Variants in OR9Q1 observed in about 807,000 individuals in gnomAD.
OR9Q1 encodes olfactory receptor family 9 subfamily Q member 1.
For missense variants in OR9Q1, 374 were observed against 378.8 expected (o/e 0.99, Z 0.11); for synonymous variants, 153 against 148.6 (o/e 1.03, Z -0.22).
chr11:58,180,666 G>T lies in OR9Q1; in HGVS notation c.*289G>T. 3.9e-6 allele frequency: 1 copy of T among 256,714 alleles called. No individual in the cohort carries two copies. The highest frequency in any genetic ancestry group is 7.9e-6 in the Non-Finnish European group (1 of 126,482). 15.9% of individuals were successfully genotyped at this position (256,714 alleles called of 1,614,324 possible). The stretch of plus-strand genomic sequence containing the variant: ...ACTTCACCTGTCTGTGATTATAAGA[G>T]TAATTTTTTTTGCAAAATTTTTAAT... On this transcript the variant is annotated 3_prime_UTR_variant, in exon 3 of 3. Transcript: ENST00000335397.
chr11:58,035,234 A>T (rs1284664178), intron 1 of OR9Q1, among the ~76,000 whole-genome samples: 1 of 149,476 alleles, frequency 6.7e-6, no homozygotes, highest in Non-Finnish European at 1.5e-5. Context: ...AGGTAGCCAG[A>T]TGCCCAGTCA....
intron 1 of OR9Q1, among the ~76,000 whole-genome samples, chr11:58,043,884 A>G (rs1853190772): frequency 6.6e-6 from 1 of 152,094 alleles, no homozygotes; most frequent in African/African-American, 2.4e-5. Context: ...TTCTCTTTTA[A>G]TATATCCTGA....
Position 58,180,223 on chromosome 11 carries a change from G to A in OR9Q1, c.779G>A (p.Arg260Lys), listed in dbSNP as rs1854650428. The A allele has an allele frequency of 1.2e-6, 2 of 1,614,098 alleles. No individual in the cohort carries two copies. Among genetic ancestry groups the A allele is most frequent in the Non-Finnish European group, 1.7e-6 (2 of 1,180,008 alleles). ...FFGTLIFMYL[R>K]GNSDQSSEKN... ...GGTACCCTCATCTTCATGTACTTGA[G>A]AGGTAACTCAGATCAGTCTTCGGAG... is the stretch of plus-strand genomic sequence containing the variant. Residue 260 changes from arginine (R) to lysine (K), a missense_variant, in exon 3 of 3, where the codon AGA (arginine) becomes AAA (lysine). By Grantham distance (26) the Arg-to-Lys change is conservative. Coordinates refer to ENST00000335397, the MANE Select transcript of OR9Q1 (RefSeq NM_001005212.4).
At chr11:58,153,045 A>G (rs1014536220) in intron 2 of OR9Q1, among the ~76,000 whole-genome samples, 1 of 152,234 alleles carries the variant, frequency 6.6e-6, no homozygotes. Context: ...CTCTTCTTCA[A>G]TTAGTACATG....
chr11:58,125,226 C>T (rs1364258790), intron 2 of OR9Q1: 1 of 86,022 alleles, frequency 1.2e-5, no homozygotes, highest in African/African-American at 4.3e-5. Flanking sequence ...TGTAGATTCC[C>T]CCCTTACCCA....
At chr11:58,146,939 A>G (rs1854304457) in intron 2 of OR9Q1, among the ~76,000 whole-genome samples, 1 of 152,170 alleles carries the variant, frequency 6.6e-6, no homozygotes, top group African/African-American at 2.4e-5. Flanking sequence ...TGTGGACTTT[A>G]TTTCAAAAGT....
chr11:58,044,057 G>A (rs1590552443), intron 1 of OR9Q1: 2 of 152,146 alleles, frequency 1.3e-5, no homozygotes, highest in Admixed American at 6.6e-5. Flanking sequence ...TTTATGAAAT[G>A]CCTACCATAT....
At chr11:58,174,499 G>C (rs1447654998) in intron 2 of OR9Q1, among the ~76,000 whole-genome samples, 1 of 151,758 alleles carries the variant, frequency 6.6e-6, no homozygotes, top group Non-Finnish European at 1.5e-5. Context: ...AAATACTTTT[G>C]AGAATTGTTG....
intron 2 of OR9Q1, among the ~76,000 whole-genome samples, chr11:58,155,867 T>G (rs936815159): frequency 6.6e-6 from 1 of 152,036 alleles, no homozygotes; most frequent in Non-Finnish European, 1.5e-5. Flanking sequence ...GCATTTTTTA[T>G]AATTTTGGCA....
intron 2 of OR9Q1, chr11:58,109,735 T>G: frequency 1.1e-5 from 4 of 360,144 alleles, no homozygotes; most frequent in Admixed American, 3.6e-5. Context: ...TTTGCTTTCT[T>G]CAGCGTCAGA....
chr11:58,053,522 A>G (rs915419239), intron 1 of OR9Q1, among the ~76,000 whole-genome samples: 56 of 145,070 alleles, frequency 3.9e-4, no homozygotes, highest in Middle Eastern at 3.6e-3. Context: ...TGGGTGCAGC[A>G]CACCAGCATG....
rs577022594 is a variant in OR9Q1 at position 58,064,520 on chromosome 11, C to A, written c.-15+8573C>A. 2.6e-5 allele frequency among the ~76,000 whole-genome samples: 4 copies of A among 152,248 alleles called. No homozygotes were observed. In the East Asian group the frequency reaches 7.7e-4, roughly 29 times the overall value. On this transcript the variant is annotated intron_variant, in intron 2 of 2. Coordinates refer to ENST00000335397, the MANE Select transcript of OR9Q1 (RefSeq NM_001005212.4). ...GACTCCAGGAAGGTCATCCCTCCAA[C>A]CACGCCCAGGAGATGTTGCTGGGAG...
chr11:58,163,891 C>T (rs1854477551), intron 2 of OR9Q1, among the ~76,000 whole-genome samples: 1 of 152,150 alleles, frequency 6.6e-6, no homozygotes. Flanking sequence ...ATTCAGGCTC[C>T]CTTAACCATT....
intron 2 of OR9Q1, among the ~76,000 whole-genome samples, chr11:58,140,884 G>A (rs967402395): frequency 6.6e-6 from 1 of 152,190 alleles, no homozygotes; most frequent in African/African-American, 2.4e-5. Context: ...GGGCAGTATG[G>A]CCATTTTCAC....
intron 1 of OR9Q1, among the ~76,000 whole-genome samples, chr11:58,054,359 C>G (rs773931124): frequency 6.6e-6 from 1 of 152,180 alleles, no homozygotes; most frequent in Admixed American, 6.5e-5. Flanking sequence ...TCCTACCCGC[C>G]TTTCCAACCT....
chr11:58,084,047 G>A (rs1228878986), intron 2 of OR9Q1, among the ~76,000 whole-genome samples: 1 of 151,842 alleles, frequency 6.6e-6, no homozygotes, highest in Non-Finnish European at 1.5e-5. Flanking sequence ...ATCGCTTTGG[G>A]CTGTATGGCC....
At chr11:58,118,808 C>G in intron 2 of OR9Q1, 1 of 1,614,038 alleles carries the variant, frequency 6.2e-7, no homozygotes, top group Non-Finnish European at 8.5e-7. Flanking sequence ...ATCAGGATGA[C>G]GGAGGCATTG....
chr11:58,140,667 C>T (rs1854238573), intron 2 of OR9Q1, among the ~76,000 whole-genome samples: 1 of 152,176 alleles, frequency 6.6e-6, no homozygotes, highest in Admixed American at 6.5e-5. Context: ...GGTACCAGTA[C>T]CATGCTGTGT....
intron 2 of OR9Q1, among the ~76,000 whole-genome samples, chr11:58,098,758 T>A (rs1050782652): frequency 2.0e-5 from 3 of 152,188 alleles, no homozygotes; most frequent in Admixed American, 6.5e-5. Flanking sequence ...TGATTTTCTT[T>A]GGATTTAATT....
Sources: allele counts gnomAD v4.1 joint callset (sites outside exome capture counted in the v4.1 genomes callset), GRCh38; gene constraint gnomAD v4.1.1; transcripts MANE v1.5; gene names NCBI Gene and HGNC (gene_info 2026-07-23, HGNC 2026-07-21).